The following NDUFAF2 variants were observed in gnomAD, a reference collection of about 807,000 sequenced individuals.
NDUFAF2 encodes the protein NADH dehydrogenase [ubiquinone] 1 alpha subcomplex assembly factor 2.
Under a neutral mutation model 22.8 loss-of-function variants are expected in NDUFAF2, and 13 were observed. That is an observed-to-expected ratio of 0.57 (90% confidence interval 0.37 to 0.91). NDUFAF2 has a LOEUF of 0.91. Among genes scored for constraint, NDUFAF2 ranks in the 40% least tolerant of loss-of-function variants. NDUFAF2 has a pLI of 0.01. For missense variants in NDUFAF2, 162 were observed against 195.2 expected, an observed-to-expected ratio of 0.83 and a Z score of 1.01; for synonymous variants, 53 against 64.2, an observed-to-expected ratio of 0.83 and a Z score of 0.84.
At chr5:60,956,871 AT>A (rs1304075011) in intron 1 of NDUFAF2, among the ~76,000 whole-genome samples, 2 of 151,834 alleles carry the variant, frequency 1.3e-5, no homozygotes, top group Non-Finnish European at 1.5e-5. Flanking sequence ...TTTATATTTT[AT>A]TTTTTTTAGT....
At chr5:60,954,996 A>C (rs996943565) in intron 1 of NDUFAF2, among the ~76,000 whole-genome samples, 6 of 152,100 alleles carry the variant, frequency 3.9e-5, no homozygotes, top group Non-Finnish European at 7.4e-5. Flanking sequence ...CATTTATGAG[A>C]TATGGTTTGC....
chr5:60,992,162 G>A (rs1751167071), intron 1 of NDUFAF2, among the ~76,000 whole-genome samples: 1 of 152,112 alleles, frequency 6.6e-6, no homozygotes, highest in Non-Finnish European at 1.5e-5. Context: ...CCCCTGTAGA[G>A]CTGTTTGAGC....
At chr5:61,067,360 C>A (rs566795186) in intron 1 of NDUFAF2, among the ~76,000 whole-genome samples, 1 of 144,526 alleles carries the variant, frequency 6.9e-6, no homozygotes, top group African/African-American at 2.5e-5. Flanking sequence ...CTTCCTGTGT[C>A]CATATGTTTT....
intron 1 of NDUFAF2, among the ~76,000 whole-genome samples, chr5:61,040,286 A>ACGCGCG (rs1323303366): frequency 5.6e-4 from 52 of 93,084 alleles, no homozygotes; most frequent in African/African-American, 2.1e-3. Flanking sequence ...ACACACACAC[A>ACGCGCG]CGCGCGCGCG....
chr5:60,976,922 G>A (rs1221891311), intron 1 of NDUFAF2, among the ~76,000 whole-genome samples: 1 of 152,028 alleles, frequency 6.6e-6, no homozygotes, highest in African/African-American at 2.4e-5. Flanking sequence ...CATCTTTTTA[G>A]TAAATAATTA....
At chr5:61,058,370 C>CCA (rs1752124832) in intron 1 of NDUFAF2, among the ~76,000 whole-genome samples, 1 of 151,848 alleles carries the variant, frequency 6.6e-6, no homozygotes, top group Non-Finnish European at 1.5e-5. Context: ...TTATTTTATA[C>CCA]CACACTATGA....
At chr5:61,100,748 C>T (rs1220018642) in intron 3 of NDUFAF2, among the ~76,000 whole-genome samples, 2 of 152,084 alleles carry the variant, frequency 1.3e-5, no homozygotes, top group Non-Finnish European at 2.9e-5. Flanking sequence ...CTCGCTTTCC[C>T]ACGCCCCACA....
At chr5:61,015,065 G>A (rs907439197) in intron 1 of NDUFAF2, among the ~76,000 whole-genome samples, 2 of 152,118 alleles carry the variant, frequency 1.3e-5, no homozygotes, top group Non-Finnish European at 2.9e-5. Context: ...CTAAATTGAA[G>A]TCAAAGAACT....
At chr5:61,040,302 G>GCGCGCGCGC (rs1491236283) in intron 1 of NDUFAF2, among the ~76,000 whole-genome samples, 1 of 146,474 alleles carries the variant, frequency 6.8e-6, no homozygotes, top group African/African-American at 2.5e-5. Flanking sequence ...GCGCGCGCGC[G>GCGCGCGCGC]AAAGTTGAAA....
intron 1 of NDUFAF2, among the ~76,000 whole-genome samples, chr5:60,945,932 C>T (rs1750441930): frequency 6.6e-6 from 1 of 152,192 alleles, no homozygotes; most frequent in South Asian, 2.1e-4. Flanking sequence ...CCCCATGCGC[C>T]TTCCTTACTA....
At chr5:61,061,740 G>T (rs1254950740) in intron 1 of NDUFAF2, among the ~76,000 whole-genome samples, 1 of 152,196 alleles carries the variant, frequency 6.6e-6, no homozygotes, top group East Asian at 1.9e-4. Context: ...GAGCATCTGT[G>T]CTCTGGATCC....
rs368305955 is a variant in NDUFAF2, at chr5:60,985,890, G to T, written c.127+40508G>T. Among the ~76,000 whole-genome samples the T allele has an allele frequency of 2.6e-5, 4 of 151,962 alleles. No individual in the cohort carries two copies. In the East Asian group the frequency reaches 7.7e-4, roughly 29 times the overall value. ...ACAATTCAAGATGAGATTTGGGTGG[G>T]GACACAGCCAAACAGTATCACTGAT... On this transcript the variant is annotated intron_variant, in intron 1 of 3. Transcript: ENST00000296597.
rs180986065 is a variant in NDUFAF2 at position 61,037,821 on chromosome 5, C to T, written c.128-35304C>T. Among the ~76,000 whole-genome samples, 9 of 151,950 alleles carry T rather than the reference C, an allele frequency of 5.9e-5. No homozygotes were observed. The East Asian group carries it at 1.6e-3, about 26-fold the overall frequency. On this transcript the variant is annotated intron_variant, in intron 1 of 3. Transcript: ENST00000296597. Reference sequence around the variant, plus strand: ...TTGAATAGTTCTGAAGGATTTATGACATGATTAGAGGGGTATTTTTAGGGT... The same window carrying T: ...TTGAATAGTTCTGAAGGATTTATGATATGATTAGAGGGGTATTTTTAGGGT...
At chr5:61,090,188 GATT>G (rs1752549458) in intron 2 of NDUFAF2, among the ~76,000 whole-genome samples, 1 of 151,902 alleles carries the variant, frequency 6.6e-6, no homozygotes, top group Admixed American at 6.6e-5. Context: ...TCGCTAAAGG[GATT>G]ATACTTAATT....
rs535115751 is a variant in NDUFAF2 at position 61,021,897 on chromosome 5, G to A, written c.128-51228G>A. On this transcript the variant is annotated intron_variant, in intron 1 of 3. Transcript: ENST00000296597. ...AATTGTGATTGTAGAAGCTTGGTAAGTCCACAATCTGCAAGATAGGCTGGT... is the reference window on the plus strand; with the variant it reads ...AATTGTGATTGTAGAAGCTTGGTAAATCCACAATCTGCAAGATAGGCTGGT... Among the ~76,000 whole-genome samples the A allele has an allele frequency of 1.5e-4, 23 of 152,300 alleles. No individual in the cohort carries two copies. The Middle Eastern group carries it at 0.01, about 68-fold the overall frequency.
At chr5:61,005,399 C>T (rs981164033) in intron 1 of NDUFAF2, among the ~76,000 whole-genome samples, 22 of 150,900 alleles carry the variant, frequency 1.5e-4, no homozygotes, top group African/African-American at 3.6e-4. Context: ...AGTAAACATA[C>T]GTGTGCATGT....
At chr5:60,946,103 G>C (rs1248253784) in intron 1 of NDUFAF2, among the ~76,000 whole-genome samples, 1 of 152,148 alleles carries the variant, frequency 6.6e-6, no homozygotes, top group Non-Finnish European at 1.5e-5. Flanking sequence ...CGGGTTGTTT[G>C]GGGAGTAAGG....
At chr5:61,036,898 C>T (rs1324445650) in intron 1 of NDUFAF2, among the ~76,000 whole-genome samples, 1 of 152,076 alleles carries the variant, frequency 6.6e-6, no homozygotes, top group Non-Finnish European at 1.5e-5. Context: ...GCAAGGGAGG[C>T]TGTTGATGTA....
At chr5:61,037,824 G>T (rs1224184709) in intron 1 of NDUFAF2, among the ~76,000 whole-genome samples, 1 of 151,958 alleles carries the variant, frequency 6.6e-6, no homozygotes, top group African/African-American at 2.4e-5. Context: ...TTTATGACAT[G>T]ATTAGAGGGG....
Sources: gnomAD v4.1 joint callset for allele counts (sites outside exome capture counted in the v4.1 genomes callset) on GRCh38, gnomAD v4.1.1 for gene constraint, MANE v1.5 for transcripts, NCBI Gene and HGNC (gene_info 2026-07-23, HGNC 2026-07-21) for gene names.